DACH1: variants seen among roughly 807,000 people sequenced by gnomAD.
DACH1 encodes dachshund homolog 1.
In DACH1, 12 loss-of-function variants were observed where a neutral mutation model predicts 54.2. The observed-to-expected ratio is 0.22, with a 90% CI of 0.14 to 0.36. The LOEUF is 0.36. Ranked by LOEUF, DACH1 falls within the 10% of genes least tolerant of loss-of-function variation. DACH1 has a pLI of 1.00. For synonymous variants in DACH1, 386 were observed against 366.2 expected, an observed-to-expected ratio of 1.05 and a Z score of -0.62; for missense variants, 805 against 929.8, an observed-to-expected ratio of 0.87 and a Z score of 1.75.
At chr13:71,783,915 C>A (rs1594216973) in intron 1 of DACH1, among the ~76,000 whole-genome samples, 1 of 134,034 alleles carries the variant, frequency 7.5e-6, no homozygotes, top group Admixed American at 7.9e-5. Flanking sequence ...TACTCACTAA[C>A]ATAGGTTGGC....
chr13:71,804,908 C>T (rs1341869049), intron 1 of DACH1, among the ~76,000 whole-genome samples: 2 of 152,112 alleles, frequency 1.3e-5, no homozygotes, highest in African/African-American at 2.4e-5. Flanking sequence ...AAGTATTTCA[C>T]GTTTGTTTGC....
intron 9 of DACH1, 33 bp downstream of exon 9, chr13:71,475,673 C>CA (rs2138173283): frequency 6.3e-7 from 1 of 1,582,548 alleles, no homozygotes; most frequent in Non-Finnish European, 8.6e-7. Context: ...TTAAAAATGA[C>CA]AGTTATTCAT....
intron 2 of DACH1, among the ~76,000 whole-genome samples, chr13:71,643,500 C>T (rs1166130435): frequency 6.6e-6 from 1 of 152,164 alleles, no homozygotes; most frequent in Non-Finnish European, 1.5e-5. Flanking sequence ...ATTCTCAGTC[C>T]ACACGGAGTC....
chr13:71,751,131 C>T (rs1884903700), intron 1 of DACH1, among the ~76,000 whole-genome samples: 1 of 152,132 alleles, frequency 6.6e-6, no homozygotes, highest in Non-Finnish European at 1.5e-5. Flanking sequence ...CCCCTTTTCC[C>T]TGTTCAAAGT....
At chr13:71,724,874 G>GA (rs1200480303) in intron 1 of DACH1, among the ~76,000 whole-genome samples, 1 of 152,050 alleles carries the variant, frequency 6.6e-6, no homozygotes, top group East Asian at 1.9e-4. Flanking sequence ...ACTCGTCTTA[G>GA]AAATGTTTCT....
chr13:71,752,944 T>A (rs1884989257), intron 1 of DACH1, among the ~76,000 whole-genome samples: 1 of 151,984 alleles, frequency 6.6e-6, no homozygotes, highest in African/African-American at 2.4e-5. Context: ...ATAAGCCCAA[T>A]ACATCAGCAT....
At chr13:71,682,073 T>C (rs1416678028) in intron 1 of DACH1, among the ~76,000 whole-genome samples, 163 bp from the exon 2 acceptor site, 1 of 152,228 alleles carries the variant, frequency 6.6e-6, no homozygotes, top group East Asian at 1.9e-4. Context: ...GATTACATGC[T>C]GAATTCATTT....
At chr13:71,779,402 A>G (rs569120083) in intron 1 of DACH1, among the ~76,000 whole-genome samples, 3 of 151,218 alleles carry the variant, frequency 2.0e-5, no homozygotes, top group Admixed American at 2.0e-4. Flanking sequence ...TCACATCCAG[A>G]TATCTGAGAA....
intron 1 of DACH1, among the ~76,000 whole-genome samples, chr13:71,687,650 C>T (rs1343818758): frequency 1.3e-5 from 2 of 152,126 alleles, no homozygotes; most frequent in Non-Finnish European, 2.9e-5. Context: ...CTCTGTTGCT[C>T]AGGTTGGAGT....
At chr13:71,588,673 C>T (rs1873454797) in intron 3 of DACH1, among the ~76,000 whole-genome samples, 1 of 151,732 alleles carries the variant, frequency 6.6e-6, no homozygotes, top group Admixed American at 6.6e-5. Flanking sequence ...TTGTAAAAAA[C>T]AACACAAAAT....
chr13:71,808,136 T>A (rs1240887165), intron 1 of DACH1, among the ~76,000 whole-genome samples: 2 of 152,190 alleles, frequency 1.3e-5, no homozygotes, highest in East Asian at 3.9e-4. Context: ...CAAGCAGATC[T>A]TAAATTGCTT....
At chr13:71,612,299 T>C (rs1875393993) in intron 3 of DACH1, among the ~76,000 whole-genome samples, 1 of 152,118 alleles carries the variant, frequency 6.6e-6, no homozygotes, top group Admixed American at 6.6e-5. Flanking sequence ...TGTTATATTA[T>C]ATTATACAAT....
At chr13:71,462,104 G>A (rs983875542) in intron 10 of DACH1, among the ~76,000 whole-genome samples, 19 of 151,772 alleles carry the variant, frequency 1.3e-4, no homozygotes, top group Non-Finnish European at 1.9e-4. Context: ...ATCATTCATC[G>A]TTTTATAGGT....
chr13:71,738,542 C>G (rs1884238422), intron 1 of DACH1, among the ~76,000 whole-genome samples: 1 of 151,148 alleles, frequency 6.6e-6, no homozygotes, highest in Non-Finnish European at 1.5e-5. Context: ...CCAGCCTGAC[C>G]AATATTATGG....
intron 1 of DACH1, among the ~76,000 whole-genome samples, chr13:71,709,173 C>G (rs1480456947): frequency 1.3e-5 from 2 of 151,916 alleles, no homozygotes; most frequent in Non-Finnish European, 2.9e-5. Context: ...AATGATTTAA[C>G]TTCTTCATAG....
chr13:71,810,297 A>T (rs1173577893), intron 1 of DACH1, among the ~76,000 whole-genome samples: 1 of 152,198 alleles, frequency 6.6e-6, no homozygotes, highest in African/African-American at 2.4e-5. Flanking sequence ...ATTCAGGTTT[A>T]TCTAATGCCA....
chr13:71,627,983 CCAAA>C lies in DACH1; in HGVS notation c.1126+2569_1126+2572del, dbSNP rs1021757334. Among the ~76,000 whole-genome samples the C allele has an allele frequency of 1.4e-4, 21 of 152,098 alleles. No individual in the cohort carries two copies. The East Asian group carries it at 2.7e-3, about 20-fold the overall frequency. Reference sequence around the variant, plus strand: ...CCCAATCTACCAACCTTACTGATGACCAAACAACTTGATAAGCAGACATTGTAAT... The same window carrying C: ...CCCAATCTACCAACCTTACTGATGACCAACTTGATAAGCAGACATTGTAAT... On this transcript the variant is annotated intron_variant, in intron 3 of 10. Transcript: ENST00000613252.
chr13:71,632,613 T>A (rs1384664025), intron 2 of DACH1, among the ~76,000 whole-genome samples: 1 of 152,110 alleles, frequency 6.6e-6, no homozygotes, highest in Non-Finnish European at 1.5e-5. Flanking sequence ...CAAGGAATTA[T>A]AAGGAAGTAT....
At chr13:71,574,936 T>C (rs1885439032) in intron 3 of DACH1, among the ~76,000 whole-genome samples, 1 of 152,044 alleles carries the variant, frequency 6.6e-6, no homozygotes, top group African/African-American at 2.4e-5. Context: ...TTTTGACACT[T>C]ATCCCTAGGT....
Sources: allele counts gnomAD v4.1 joint callset (sites outside exome capture counted in the v4.1 genomes callset), GRCh38; gene constraint gnomAD v4.1.1; transcripts MANE v1.5; gene names NCBI Gene and HGNC (gene_info 2026-07-23, HGNC 2026-07-21).